The following CCDC73 variants were observed in gnomAD, a reference collection of about 807,000 sequenced individuals.
The protein encoded by CCDC73 is coiled-coil domain containing 73.
Under a neutral mutation model 116.5 loss-of-function variants are expected in CCDC73, and 95 were observed. The ratio of observed to expected loss-of-function variants is 0.82; its 90% CI spans 0.69 to 0.97. The LOEUF (loss-of-function observed/expected upper bound fraction) is 0.97. Among genes scored for constraint, CCDC73 ranks in the 50% least tolerant of loss-of-function variants. The pLI is 0.00. For missense variants in CCDC73, 1,066 were observed against 1,206.8 expected (o/e 0.88, Z 1.73); for synonymous variants, 398 against 401.3 (o/e 0.99, Z 0.10).
At chr11:32,740,899 T>C (rs1850177800) in intron 2 of CCDC73, among the ~76,000 whole-genome samples, 1 of 152,142 alleles carries the variant, frequency 6.6e-6, no homozygotes, top group Admixed American at 6.6e-5. Flanking sequence ...CTCAAGACAT[T>C]TTTCAATTTC....
At chr11:32,717,889 C>G (rs1344489961) in intron 3 of CCDC73, among the ~76,000 whole-genome samples, 187 bp downstream of exon 3, 1 of 152,118 alleles carries the variant, frequency 6.6e-6, no homozygotes, top group African/African-American at 2.4e-5. Context: ...AAGTGCTGAG[C>G]GAAGAGGGAA....
intron 9 of CCDC73, among the ~76,000 whole-genome samples, chr11:32,668,644 A>C (rs1856009199): frequency 1.3e-5 from 2 of 152,202 alleles, no homozygotes; most frequent in African/African-American, 4.8e-5. Flanking sequence ...AGAAAGTGGT[A>C]TGTGTAAGTA....
intron 3 of CCDC73, among the ~76,000 whole-genome samples, chr11:32,707,753 G>A (rs533778449): frequency 3.7e-4 from 56 of 152,170 alleles, no homozygotes; most frequent in Non-Finnish European, 6.5e-4. Context: ...CACTCCTGAT[G>A]AATTATAAAC....
At chr11:32,754,898 T>C (rs1422452348) in intron 2 of CCDC73, among the ~76,000 whole-genome samples, 1 of 143,530 alleles carries the variant, frequency 7.0e-6, no homozygotes, top group Non-Finnish European at 1.5e-5. Flanking sequence ...TTTTTTTTTT[T>C]TTTTTCTGAG....
chr11:32,611,731 G>A (rs1024124401), intron 16 of CCDC73, among the ~76,000 whole-genome samples: 3 of 152,126 alleles, frequency 2.0e-5, no homozygotes, highest in South Asian at 2.1e-4. Context: ...TGTTTAGAAG[G>A]GGTCACATTG....
At chr11:32,778,907 A>C (rs543606008) in intron 1 of CCDC73, among the ~76,000 whole-genome samples, 1 of 152,320 alleles carries the variant, frequency 6.6e-6, no homozygotes, top group Non-Finnish European at 1.5e-5. Context: ...GTATTTCTCC[A>C]CTTGGTAAAC....
At position 32,789,559 on chromosome 11, in the gene CCDC73, C is replaced by T. The variant is rs567131575; in HGVS notation, c.-16+5054G>A. 5.3e-5 allele frequency among the ~76,000 whole-genome samples: 8 copies of T among 152,034 alleles called. No homozygotes were observed. In the South Asian group the frequency reaches 1.5e-3, roughly 28 times the overall value. On this transcript the variant is annotated intron_variant, in intron 1 of 17. Transcript: ENST00000335185. The stretch of plus-strand genomic sequence containing the variant: ...GCTAAGGCAGGAGGATCGCTTGAGG[C>T]CAAGAGTTCAAGATTAGCCTAGACA...
intron 1 of CCDC73, among the ~76,000 whole-genome samples, chr11:32,764,818 C>T (rs2133381263): frequency 6.6e-6 from 1 of 152,222 alleles, no homozygotes; most frequent in African/African-American, 2.4e-5. Context: ...CACAGACTGG[C>T]AAGTTGGATA....
At chr11:32,823,047 C>T in the CCDC73 span, among the ~76,000 whole-genome samples, 4 of 152,014 alleles carry the variant, frequency 2.6e-5, no homozygotes, top group African/African-American at 9.7e-5. Context: ...GTGGGAGGAT[C>T]ACTTGAAGCC....
intron 7 of CCDC73, among the ~76,000 whole-genome samples, chr11:32,678,827 G>A (rs1363512135): frequency 6.6e-6 from 1 of 150,848 alleles, no homozygotes; most frequent in Non-Finnish European, 1.5e-5. Context: ...AGGTTGCAGT[G>A]AGCTGAGATC....
At chr11:32,641,265 T>C (rs945446605) in intron 13 of CCDC73, among the ~76,000 whole-genome samples, 1 of 152,152 alleles carries the variant, frequency 6.6e-6, no homozygotes, top group Non-Finnish European at 1.5e-5. Context: ...GTCATTTATT[T>C]AAAAAGAATT....
At chr11:32,683,488 C>T in intron 7 of CCDC73, 48 bp downstream of exon 7, 1 of 1,224,948 alleles carries the variant, frequency 8.2e-7, no homozygotes, top group Non-Finnish European at 1.2e-6. Flanking sequence ...ACCAATCCCC[C>T]TAAGTACTAA....
Position 32,779,979 on chromosome 11 carries a change from T to G in CCDC73, c.-16+14634A>C, listed in dbSNP as rs529770502. Reference sequence around the variant, plus strand: ...ATGGTAATCTAAAAAAAGTATATGTTAAAATAACACGAGGTTGGGTGCAGT... The same window carrying G: ...ATGGTAATCTAAAAAAAGTATATGTGAAAATAACACGAGGTTGGGTGCAGT... On this transcript the variant is annotated intron_variant, in intron 1 of 17. Coordinates refer to ENST00000335185, the MANE Select transcript of CCDC73 (RefSeq NM_001008391.4). 9.9e-5 allele frequency among the ~76,000 whole-genome samples: 15 copies of G among 152,218 alleles called. No homozygotes were observed. In the East Asian group the frequency reaches 2.9e-3, roughly 29 times the overall value.
the CCDC73 span, among the ~76,000 whole-genome samples, chr11:32,823,776 A>G: frequency 4.6e-3 from 699 of 152,196 alleles, 3 homozygotes; most frequent in African/African-American, 0.016. Context: ...ATGTTGCTCT[A>G]TTGCCCAAGC....
At chr11:32,672,503 G>A (rs978407801) in intron 9 of CCDC73, among the ~76,000 whole-genome samples, 5 of 152,040 alleles carry the variant, frequency 3.3e-5, no homozygotes, top group Admixed American at 6.6e-5. Context: ...TAATATGAAT[G>A]TTATTTAATT....
intron 2 of CCDC73, among the ~76,000 whole-genome samples, chr11:32,746,449 T>A (rs1359227372): frequency 1.3e-5 from 2 of 152,206 alleles, no homozygotes; most frequent in African/African-American, 4.8e-5. Context: ...GTTCTCTGTA[T>A]TTTTTGAATT....
rs771841535 is a variant in CCDC73 at position 32,613,800 on chromosome 11, A to C, written c.2518T>G (p.Leu840Val). 6 of 1,613,832 alleles carry C rather than the reference A, an allele frequency of 3.7e-6. No homozygotes were observed. The highest frequency in any genetic ancestry group is 5.1e-6 in the Non-Finnish European group (6 of 1,179,948). ...VSINERQHTLLNNTEKTESLN... is the reference protein window; with the variant it reads ...VSINERQHTLVNNTEKTESLN... Reference sequence around the variant, plus strand: ...GATTCTGTTTTCTCTGTATTATTTAACAATGTATGCTGTCTTTCATTAATG... The same window carrying C: ...GATTCTGTTTTCTCTGTATTATTTACCAATGTATGCTGTCTTTCATTAATG... The change falls in exon 16 of 18, where the codon TTA (leucine) becomes GTA (valine). Residue 840 changes from leucine to valine, a missense_variant. Physicochemically the swap from Leu to Val is conservative, Grantham distance 32. Transcript: ENST00000335185.
chr11:32,605,729 C>T (rs775091890), intron 17 of CCDC73: 3 of 151,782 alleles, frequency 2.0e-5, no homozygotes, highest in Non-Finnish European at 4.4e-5. Flanking sequence ...TGTAGATTAG[C>T]TAATGTTTGC....
chr11:32,721,936 A>T (rs567757027), intron 2 of CCDC73, among the ~76,000 whole-genome samples: 1 of 152,242 alleles, frequency 6.6e-6, no homozygotes, highest in African/African-American at 2.4e-5. Flanking sequence ...TTATACATAC[A>T]TACACATATA....
Sources: allele counts gnomAD v4.1 joint callset (sites outside exome capture counted in the v4.1 genomes callset), GRCh38; gene constraint gnomAD v4.1.1; transcripts MANE v1.5; gene names NCBI Gene and HGNC (gene_info 2026-07-23, HGNC 2026-07-21).